Variants in PDZD8 observed in about 807,000 individuals in gnomAD.
The protein encoded by PDZD8 is PDZ domain containing 8, also known as PDZ domain-containing protein 8.
Under a neutral mutation model 85.8 loss-of-function variants are expected in PDZD8, and 14 were observed. The observed-to-expected ratio is 0.16, with a 90% CI of 0.11 to 0.26. PDZD8 has a LOEUF of 0.26. Ranked by LOEUF, PDZD8 falls within the 10% of genes least tolerant of loss-of-function variation. PDZD8 has a pLI of 1.00. For missense variants in PDZD8, 1,197 were observed against 1,424.3 expected (o/e 0.84, Z 2.57); for synonymous variants, 592 against 568.6 (o/e 1.04, Z -0.59).
chr10:117,317,305 T>C (rs1439933439), intron 3 of PDZD8, among the ~76,000 whole-genome samples: 1 of 152,216 alleles, frequency 6.6e-6, no homozygotes, highest in Non-Finnish European at 1.5e-5. Context: ...CCCATATTTG[T>C]AATGTATTAC....
At chr10:117,329,226 T>C (rs1380473467) in intron 2 of PDZD8, among the ~76,000 whole-genome samples, 1 of 152,242 alleles carries the variant, frequency 6.6e-6, no homozygotes, top group South Asian at 2.1e-4. Context: ...TTTCTACTAC[T>C]ACTACTTCCA....
Position 117,374,962 on chromosome 10 carries a change from G to T in PDZD8, c.266C>A (p.Pro89Gln). The change falls in exon 1 of 5, where the codon CCG (proline) becomes CAG (glutamine). Residue 89 changes from proline (P) to glutamine (Q), a missense_variant. Pro to Gln is a moderately conservative substitution (Grantham distance 76). Coordinates refer to ENST00000334464, the MANE Select transcript of PDZD8 (RefSeq NM_173791.5). The surrounding 1 kb of genome is among the most constrained non-coding windows in gnomAD (Gnocchi z 7.8). ...GAAGTAGCAAGTCTCCCGCGTCGGC[G>T]GGGCGGGGGTCTCGGGGGCCGCGGT... is the stretch of plus-strand genomic sequence containing the variant. ...TPTAAPETPAPPTRETCYFLN... is the reference protein window; with the variant it reads ...TPTAAPETPAQPTRETCYFLN... 1 of 1,608,962 alleles carries T rather than the reference G, an allele frequency of 6.2e-7. No homozygotes were observed. The highest frequency in any genetic ancestry group is 8.5e-7 in the Non-Finnish European group (1 of 1,178,104).
chr10:117,333,133 A>AAAAAAAAAC (rs1564703055), intron 2 of PDZD8, among the ~76,000 whole-genome samples: 1 of 149,368 alleles, frequency 6.7e-6, no homozygotes, highest in Non-Finnish European at 1.5e-5. Context: ...AAAAAAAAAA[A>AAAAAAAAAC]AAAAAAAAAA....
chr10:117,291,877 A>C (rs575686977), intron 3 of PDZD8, among the ~76,000 whole-genome samples: 8 of 150,626 alleles, frequency 5.3e-5, no homozygotes, highest in Non-Finnish European at 7.4e-5. Flanking sequence ...AAACAGGCAG[A>C]GTGCTACATC....
At chr10:117,313,684 A>G (rs1386142061) in intron 3 of PDZD8, among the ~76,000 whole-genome samples, 1 of 152,138 alleles carries the variant, frequency 6.6e-6, no homozygotes, top group Non-Finnish European at 1.5e-5. Flanking sequence ...CATTTCTTCT[A>G]TATGCTCATT....
chr10:117,374,966 CG>C lies in PDZD8; in HGVS notation c.261del (p.Ala88ProfsTer27). On this transcript the variant is annotated frameshift_variant, in exon 1 of 5. Transcript: ENST00000334464. LOFTEE classifies it high-confidence loss of function. The surrounding 1 kb of genome is among the most constrained non-coding windows in gnomAD (Gnocchi z 7.8). Reference sequence around the variant, plus strand: ...TAGCAAGTCTCCCGCGTCGGCGGGGCGGGGGTCTCGGGGGCCGCGGTGGGGG... The same window carrying C: ...TAGCAAGTCTCCCGCGTCGGCGGGGCGGGGTCTCGGGGGCCGCGGTGGGGG... ...GATPTAAPET[P>X]APPTRETCYF... 1 of 1,603,808 alleles carries C rather than the reference CG, an allele frequency of 6.2e-7. No homozygotes were observed. The highest frequency in any genetic ancestry group is 8.5e-7 in the Non-Finnish European group (1 of 1,175,914).
At chr10:117,318,659 AG>A (rs1844171824) in intron 3 of PDZD8, among the ~76,000 whole-genome samples, 1 of 152,188 alleles carries the variant, frequency 6.6e-6, no homozygotes, top group Non-Finnish European at 1.5e-5. Flanking sequence ...TAGTCGGACT[AG>A]GTTTCTTGTG....
At chr10:117,300,877 G>C (rs1365641465) in intron 3 of PDZD8, among the ~76,000 whole-genome samples, 1 of 152,160 alleles carries the variant, frequency 6.6e-6, no homozygotes, top group Non-Finnish European at 1.5e-5. Flanking sequence ...CCCTGATCTT[G>C]GACTTCCCAG....
chr10:117,360,268 G>T (rs1844974220), intron 1 of PDZD8, among the ~76,000 whole-genome samples: 1 of 152,130 alleles, frequency 6.6e-6, no homozygotes, highest in Non-Finnish European at 1.5e-5. Flanking sequence ...GAGTTGCTCA[G>T]GGAACCAAAG....
rs753259156 is a variant in PDZD8, at chr10:117,285,133, G to C, written c.1600C>G (p.Leu534Val). 1 of 1,614,088 alleles carries C rather than the reference G, an allele frequency of 6.2e-7. No homozygotes were observed. Among genetic ancestry groups the C allele is most frequent in the South Asian group, 1.1e-5 (1 of 91,088 alleles). ...RVPTTLSIKPLGAISPVLNRK... is the reference protein window; with the variant it reads ...RVPTTLSIKPVGAISPVLNRK... ...TTTAAAACTGGTGATATAGCTCCAAGGGGTTTAATAGAAAGTGTTGTTGGA... is the reference window on the plus strand; with the variant it reads ...TTTAAAACTGGTGATATAGCTCCAACGGGTTTAATAGAAAGTGTTGTTGGA... The change falls in exon 5 of 5, where the codon CTT (leucine) becomes GTT (valine). Residue 534 changes from leucine to valine, a missense_variant. By Grantham distance (32) the Leu-to-Val change is conservative. This residue lies in a region of PDZD8 where 263 missense variants were observed against 261.9 expected (regional missense o/e 1.00). Transcript: ENST00000334464.
chr10:117,316,311 G>A lies in PDZD8; in HGVS notation c.1098+2561C>T, dbSNP rs182308753. Among the ~76,000 whole-genome samples the A allele has an allele frequency of 2.7e-3, 404 of 152,120 alleles. 3 individuals are homozygous for A. Among genetic ancestry groups the A allele is most frequent in the Non-Finnish European group, 4.4e-3 (299 of 68,008 alleles). Reference sequence around the variant, plus strand: ...GTATTTCTAAAATAGGCTTTATGTAGGGTATTTGCTAAATTATTCTTTGCA... The same window carrying A: ...GTATTTCTAAAATAGGCTTTATGTAAGGTATTTGCTAAATTATTCTTTGCA... On this transcript the variant is annotated intron_variant, in intron 3 of 4. Coordinates refer to ENST00000334464, the MANE Select transcript of PDZD8 (RefSeq NM_173791.5).
rs1197357963 is a variant in PDZD8, at chr10:117,278,302, G to A, written c.*4966C>T. 1.3e-5 allele frequency: 2 copies of A among 152,094 alleles called. No individual in the cohort carries two copies. Among genetic ancestry groups the A allele is most frequent in the African/African-American group, 4.8e-5 (2 of 41,406 alleles). The allele number at this position is 152,094 out of a possible 1,614,324, so 9.4% of individuals were successfully genotyped here. On this transcript the variant is annotated 3_prime_UTR_variant, in exon 5 of 5. Coordinates refer to ENST00000334464, the MANE Select transcript of PDZD8 (RefSeq NM_173791.5). ...TGAAAGTTGTTCACATCAATGTGAA[G>A]ACAAATTTTAAATGAAAATGAAGAA...
At chr10:117,355,609 C>T (rs567889018) in intron 1 of PDZD8, among the ~76,000 whole-genome samples, 149 of 152,054 alleles carry the variant, frequency 9.8e-4, no homozygotes, top group African/African-American at 1.5e-3. Flanking sequence ...ATCTGAGACT[C>T]GGTTTCCTCA....
At chr10:117,365,044 G>C (rs1258039938) in intron 1 of PDZD8, among the ~76,000 whole-genome samples, 1 of 151,864 alleles carries the variant, frequency 6.6e-6, no homozygotes, top group African/African-American at 2.4e-5. Flanking sequence ...ACTTAACATG[G>C]GTATATCAGG....
chr10:117,338,750 TA>T (rs1351364163), intron 2 of PDZD8, among the ~76,000 whole-genome samples: 10 of 152,198 alleles, frequency 6.6e-5, no homozygotes, highest in African/African-American at 2.4e-4. Flanking sequence ...CAACATGACC[TA>T]AAGAATGTCT....
chr10:117,290,342 A>G lies in PDZD8; in HGVS notation c.1105T>C (p.Leu369=). The change falls in exon 4 of 5, where the codon TTA becomes CTA. Residue 369 remains leucine (L), a synonymous_variant. Transcript: ENST00000334464. The stretch of plus-strand genomic sequence containing the variant: ...ACACTTTGTAAATTTCCTTTTATTA[A>G]TTCAACCTTTGATAAAGGGGAAAAA... ...KQRSSIKTVE[L]IKGNLQSVGL... is the part of the protein sequence containing the mutation. 1 of 1,597,192 alleles carries G rather than the reference A, an allele frequency of 6.3e-7. No individual in the cohort carries two copies.
intron 3 of PDZD8, among the ~76,000 whole-genome samples, chr10:117,310,445 G>T (rs17096103): frequency 0.045 from 6,840 of 152,116 alleles, 318 homozygotes; most frequent in Admixed American, 0.14. Flanking sequence ...CCACTGATTT[G>T]ATCTGGAGAG....
chr10:117,277,342 T>G lies in PDZD8; in HGVS notation c.*5926A>C, dbSNP rs188557163. ...TCCAGTGACACAACTCATCCAGAACTGTCTTAGTCATACCATCCATCCCTG... is the reference window on the plus strand; with the variant it reads ...TCCAGTGACACAACTCATCCAGAACGGTCTTAGTCATACCATCCATCCCTG... On this transcript the variant is annotated 3_prime_UTR_variant, in exon 5 of 5. Transcript: ENST00000334464. 7.9e-5 allele frequency: 67 copies of G among 851,914 alleles called. No homozygotes were observed. The East Asian group carries it at 1.7e-3, about 22-fold the overall frequency. 52.8% of individuals were successfully genotyped at this position (851,914 alleles called of 1,614,324 possible). A position where few individuals can be genotyped will look rare whatever the true frequency, so the allele number is the denominator to read the frequency against.
intron 3 of PDZD8, among the ~76,000 whole-genome samples, chr10:117,293,939 A>G (rs1055039118): frequency 4.6e-5 from 7 of 152,170 alleles, no homozygotes; most frequent in African/African-American, 1.7e-4. Flanking sequence ...AAAACAACAC[A>G]CTTCTAAATA....
Sources: allele counts gnomAD v4.1 joint callset (sites outside exome capture counted in the v4.1 genomes callset), GRCh38; gene constraint gnomAD v4.1.1; regional missense constraint gnomAD v4.1.1; non-coding constraint Gnocchi (gnomAD v3.1); transcripts MANE v1.5; gene names NCBI Gene and HGNC (gene_info 2026-07-23, HGNC 2026-07-21).